Variants in ADAMTS18 observed in about 807,000 individuals in gnomAD.
ADAMTS18 encodes ADAM metallopeptidase with thrombospondin type 1 motif 18, also known as A disintegrin and metalloproteinase with thrombospondin motifs 18.
Under a neutral mutation model 165.9 loss-of-function variants are expected in ADAMTS18, and 157 were observed. The observed-to-expected ratio is 0.95, with a 90% CI of 0.83 to 1.08. The LOEUF is 1.08. ADAMTS18 is among the 50% of genes least tolerant of loss of function. ADAMTS18 has a pLI of 0.00. For missense variants in ADAMTS18, 2,040 were observed against 1,534.0 expected (o/e 1.33, Z -5.51); for synonymous variants, 782 against 578.2 (o/e 1.35, Z -5.06).
In ADAMTS18 at chr16:77,431,463, G is replaced by A. The variant is rs1203560231; in HGVS notation, c.327C>T (p.His109=). 2.5e-6 allele frequency: 4 copies of A among 1,614,102 alleles called. No individual in the cohort carries two copies. In the African/African-American group the frequency reaches 5.3e-5, roughly 22 times the overall value. ...AAATCGCCGAGGGCTTAAGTTCTAA[G>A]TGCAGTTCCTGTCCAAATGCTGAAA... ...YRFSAFGQEL[H]LELKPSAILS... The change falls in exon 3 of 23, where the codon CAC becomes CAT. Residue 109 remains histidine, a synonymous_variant. Transcript: ENST00000282849.
intron 8 of ADAMTS18, 56 bp downstream of exon 8, chr16:77,359,262 C>T: frequency 2.1e-6 from 3 of 1,441,836 alleles, no homozygotes; most frequent in Admixed American, 1.8e-5. Flanking sequence ...TAGAGGAACA[C>T]CAATGAATCA....
rs756543196 is a variant in ADAMTS18 at position 77,434,494 on chromosome 16, C to T, written c.102G>A (p.Leu34=). 1 of 1,563,570 alleles carries T rather than the reference C, an allele frequency of 6.4e-7. No individual in the cohort carries two copies. Among genetic ancestry groups the T allele is most frequent in the African/African-American group, 1.3e-5 (1 of 74,374 alleles). Residue 34 remains leucine (L), a synonymous_variant, in exon 2 of 23, where the codon CTG becomes CTA. Transcript: ENST00000282849. ...CGACCGACGCACAGCAGAGGCAGCA[C>T]AGCTGGAGCGCCTGCAAGAGAAAAG... is the stretch of plus-strand genomic sequence containing the variant. ...GLGRVAKALQ[L]CCLCCASVAA...
At chr16:77,359,878 T>C (rs878940823) in intron 7 of ADAMTS18, among the ~76,000 whole-genome samples, 2 of 152,172 alleles carry the variant, frequency 1.3e-5, no homozygotes, top group Admixed American at 6.5e-5. Flanking sequence ...TCCTGGTCTT[T>C]TACTAGAGCA....
chr16:77,359,481 G>A (rs755656081), intron 7 of ADAMTS18, 58 bp from the exon 8 acceptor site: 611 of 1,387,848 alleles, frequency 4.4e-4, no homozygotes, highest in Non-Finnish European at 5.9e-4. Flanking sequence ...GATACATGAT[G>A]ATGATTTATG....
intron 7 of ADAMTS18, among the ~76,000 whole-genome samples, 170 bp from the exon 8 acceptor site, chr16:77,359,593 T>C (rs1487383731): frequency 2.0e-5 from 3 of 152,002 alleles, no homozygotes; most frequent in South Asian, 2.1e-4. Flanking sequence ...TCCTGTGTAA[T>C]GATAATGTAT....
intron 13 of ADAMTS18, among the ~76,000 whole-genome samples, 183 bp from the exon 14 acceptor site, chr16:77,322,649 C>T (rs1399068819): frequency 6.6e-6 from 1 of 152,128 alleles, no homozygotes; most frequent in African/African-American, 2.4e-5. Flanking sequence ...ATGTAACAAT[C>T]CATATAAAAC....
intron 16 of ADAMTS18, among the ~76,000 whole-genome samples, chr16:77,302,924 C>G (rs1206832187): frequency 6.6e-6 from 1 of 152,130 alleles, no homozygotes; most frequent in Non-Finnish European, 1.5e-5. Flanking sequence ...AAAAGTGTCA[C>G]CAGTATTAAG....
chr16:77,356,206 A>G (rs1418584060), intron 8 of ADAMTS18, 129 bp from the exon 9 acceptor site: 8 of 1,257,776 alleles, frequency 6.4e-6, no homozygotes, highest in African/African-American at 1.5e-5. Flanking sequence ...TAAAACTGGA[A>G]AAGAGAAAGG....
At chr16:77,418,192 A>T (rs2057554767) in intron 3 of ADAMTS18, among the ~76,000 whole-genome samples, 1 of 152,212 alleles carries the variant, frequency 6.6e-6, no homozygotes, top group South Asian at 2.1e-4. Context: ...CCCAGCCCAC[A>T]CACACCATTC....
chr16:77,367,341 AG>A lies in ADAMTS18; in HGVS notation c.778+99del, dbSNP rs1245396875. On this transcript the variant is annotated intron_variant, in intron 4 of 22. Transcript: ENST00000282849. ...CTACACCAAGACAGATGCTCAGGGT[AG>A]CCCCATTTTGACTTGCAAAGCTTGT... The A allele has an allele frequency of 2.4e-5, 32 of 1,319,250 alleles. No individual in the cohort carries two copies. The African/African-American group carries it at 4.3e-4, about 18-fold the overall frequency. The allele number at this position is 1,319,250 out of a possible 1,614,324, so 81.7% of individuals were successfully genotyped here.
At chr16:77,292,392 T>C (rs748822467) in intron 20 of ADAMTS18, among the ~76,000 whole-genome samples, 1 of 152,138 alleles carries the variant, frequency 6.6e-6, no homozygotes, top group Non-Finnish European at 1.5e-5. Context: ...GTCCCTTCTT[T>C]ACTAAATGTG....
chr16:77,332,750 A>G (rs1346078335), intron 12 of ADAMTS18, among the ~76,000 whole-genome samples: 1 of 152,196 alleles, frequency 6.6e-6, no homozygotes, highest in Non-Finnish European at 1.5e-5. Flanking sequence ...TTCAGACTCC[A>G]GTATGACCAG....
At chr16:77,347,054 C>A (rs571709510) in intron 10 of ADAMTS18, among the ~76,000 whole-genome samples, 2 of 152,272 alleles carry the variant, frequency 1.3e-5, no homozygotes, top group East Asian at 1.9e-4. Flanking sequence ...ATAAATGGAA[C>A]CATACAGAAT....
rs747814040 is a variant in ADAMTS18 at position 77,289,373 on chromosome 16, T to C, written c.3441A>G (p.Ser1147=). The C allele has an allele frequency of 1.2e-6, 2 of 1,614,122 alleles. No individual in the cohort carries two copies. The highest frequency in any genetic ancestry group is 1.3e-5 in the African/African-American group (1 of 75,048). ...GCCGGCCTTGCTGAACACAGTGGAC[T>C]GACCGGGTCTGGACCCCTCCCCCAC... ...VTCGGGVQTR[S]VHCVQQGRPS... is the part of the protein sequence containing the mutation. The change falls in exon 22 of 23, where the codon TCA becomes TCG. Residue 1147 remains serine (S), a synonymous_variant. Coordinates refer to ENST00000282849, the MANE Select transcript of ADAMTS18 (RefSeq NM_199355.4).
intron 16 of ADAMTS18, among the ~76,000 whole-genome samples, chr16:77,303,273 T>A (rs770098269): frequency 1.7e-4 from 26 of 152,174 alleles, no homozygotes; most frequent in Non-Finnish European, 2.9e-4. Context: ...GTGTGACTAA[T>A]GGCTACCATA....
At chr16:77,430,286 C>G (rs1311373854) in intron 3 of ADAMTS18, among the ~76,000 whole-genome samples, 1 of 152,120 alleles carries the variant, frequency 6.6e-6, no homozygotes, top group Non-Finnish European at 1.5e-5. Context: ...AGAAAGAATA[C>G]CGTGATTGTG....
At chr16:77,330,803 C>G (rs576830084) in intron 12 of ADAMTS18, among the ~76,000 whole-genome samples, 1 of 152,206 alleles carries the variant, frequency 6.6e-6, no homozygotes, top group African/African-American at 2.4e-5. Context: ...GGGAAAAACA[C>G]CTTTATATGA....
intron 12 of ADAMTS18, among the ~76,000 whole-genome samples, chr16:77,326,437 C>T (rs2056097015): frequency 1.3e-5 from 2 of 152,118 alleles, no homozygotes; most frequent in South Asian, 4.1e-4. Context: ...GTCTGGAATG[C>T]AGTGGCGTGA....
rs763677092 is a variant in ADAMTS18, at chr16:77,283,648, C to CT, written c.*307dup. 3.1e-4 allele frequency: 105 copies of CT among 335,854 alleles called. No individual in the cohort carries two copies. Among genetic ancestry groups the CT allele is most frequent in the Non-Finnish European group, 5.0e-4 (89 of 176,598 alleles). 20.8% of individuals were successfully genotyped at this position (335,854 alleles called of 1,614,324 possible). A position where few individuals can be genotyped will look rare whatever the true frequency, so the allele number is the denominator to read the frequency against. ...CCCTTTGAAGTTCAAAAGGGGGTCT[C>CT]TCCCCAAATCGACGTATCTCAGTGT... On this transcript the variant is annotated 3_prime_UTR_variant, in exon 23 of 23. Transcript: ENST00000282849.
Sources: allele counts gnomAD v4.1 joint callset (sites outside exome capture counted in the v4.1 genomes callset), GRCh38; gene constraint gnomAD v4.1.1; transcripts MANE v1.5; gene names NCBI Gene and HGNC (gene_info 2026-07-23, HGNC 2026-07-21).